ARID1B: variants seen among roughly 807,000 people sequenced by gnomAD.
ARID1B encodes the protein AT-rich interactive domain-containing protein 1B.
A neutral mutation model predicts 212.3 loss-of-function variants in ARID1B; 30 were observed. The ratio of observed to expected loss-of-function variants is 0.14; its 90% CI spans 0.11 to 0.19. The LOEUF is 0.19. Among genes scored for constraint, ARID1B ranks in the 10% least tolerant of loss-of-function variants. The pLI, the probability that ARID1B is intolerant of heterozygous loss-of-function variation, is 1.00. For missense variants in ARID1B, 2,891 were observed against 3,204.0 expected, an observed-to-expected ratio of 0.90 and a Z score of 2.36; for synonymous variants, 1,402 against 1,301.7, an observed-to-expected ratio of 1.08 and a Z score of -1.66.
At chr6:156,902,757 A>G (rs796380950) in intron 3 of ARID1B, among the ~76,000 whole-genome samples, 1 of 149,384 alleles carries the variant, frequency 6.7e-6, no homozygotes, top group African/African-American at 2.5e-5. Context: ...AAAAAAAAAA[A>G]AAAAAGTAAC....
intron 4 of ARID1B, among the ~76,000 whole-genome samples, chr6:156,966,954 C>T (rs891610578): frequency 1.3e-5 from 2 of 151,992 alleles, no homozygotes; most frequent in African/African-American, 4.8e-5. Context: ...CCTGCCTCAG[C>T]CTCCCAAAGT....
rs2114987296 is a variant in ARID1B at position 156,778,835 on chromosome 6, C to T, written c.1155C>T (p.Ser385=). Residue 385 remains serine, a synonymous_variant, in exon 1 of 20, where the codon AGC becomes AGT. Transcript: ENST00000636930. The stretch of plus-strand genomic sequence containing the variant: ...AGTGCAACCATTATCCGGGCTACAG[C>T]CGGCCCGGCGCGGGCGGCGGCGGCG... ...NSQCNHYPGY[S]RPGAGGGGGG... 3 of 1,431,858 alleles carry T rather than the reference C, an allele frequency of 2.1e-6. No homozygotes were observed. Among genetic ancestry groups the T allele is most frequent in the Non-Finnish European group, 2.8e-6 (3 of 1,089,266 alleles). 88.7% of individuals were successfully genotyped at this position (1,431,858 alleles called of 1,614,324 possible). A position where few individuals can be genotyped will look rare whatever the true frequency, so the allele number is the denominator to read the frequency against.
chr6:156,790,734 T>C (rs745332932), intron 1 of ARID1B, among the ~76,000 whole-genome samples: 5 of 152,302 alleles, frequency 3.3e-5, no homozygotes, highest in Non-Finnish European at 4.4e-5. Context: ...GAAGGCGCCA[T>C]GCATACAGGA....
chr6:157,200,742 C>G lies in ARID1B; in HGVS notation c.4517C>G (p.Pro1506Arg). The G allele has an allele frequency of 6.2e-7, 1 of 1,613,238 alleles. No individual in the cohort carries two copies. Among genetic ancestry groups the G allele is most frequent in the South Asian group, 1.1e-5 (1 of 90,982 alleles). Residue 1506 changes from proline (P) to arginine (R), a missense_variant, in exon 18 of 20, where the codon CCA becomes CGA. Around this residue, in one of 7 missense-constraint regions of ARID1B, gnomAD observed 666 missense variants for 873.5 expected, o/e 0.76. Coordinates refer to ENST00000636930, the MANE Select transcript of ARID1B (RefSeq NM_001374828.1). This position sits in a 1 kb window ranked among gnomAD's most constrained non-coding sequence, Gnocchi z 4.3. ...KRHMDGMYGP[P>R]AKRHEGDMYN... Reference sequence around the variant, plus strand: ...CATATGGACGGCATGTACGGGCCCCCAGCCAAGCGCCACGAGGGCGACATG... The same window carrying G: ...CATATGGACGGCATGTACGGGCCCCGAGCCAAGCGCCACGAGGGCGACATG...
intron 4 of ARID1B, among the ~76,000 whole-genome samples, chr6:156,995,992 G>C (rs1268136563): frequency 6.6e-6 from 1 of 152,114 alleles, no homozygotes; most frequent in Non-Finnish European, 1.5e-5. Context: ...AAAAACCTCA[G>C]GACCCCACAC....
intron 1 of ARID1B, among the ~76,000 whole-genome samples, chr6:156,802,903 A>G (rs549111454): frequency 2.0e-5 from 3 of 152,352 alleles, no homozygotes; most frequent in African/African-American, 4.8e-5. Context: ...TATGTACACA[A>G]TATGTTTCAC....
intron 4 of ARID1B, among the ~76,000 whole-genome samples, chr6:157,003,562 C>T (rs902220203): frequency 3.9e-5 from 6 of 152,198 alleles, no homozygotes; most frequent in Admixed American, 1.3e-4. Context: ...TCTGACTGGG[C>T]TTATCTGCCT....
intron 2 of ARID1B, among the ~76,000 whole-genome samples, chr6:156,900,373 T>C (rs1353263054): frequency 6.6e-6 from 1 of 152,238 alleles, no homozygotes; most frequent in Non-Finnish European, 1.5e-5. Context: ...TCTTTTACCA[T>C]TTCATCTTTT....
At chr6:156,901,827 A>G in intron 3 of ARID1B, 3 of 392,988 alleles carry the variant, frequency 7.6e-6, no homozygotes, top group Non-Finnish European at 1.4e-5. Flanking sequence ...TCAAGAAAGC[A>G]CTCTGCCACT....
chr6:156,853,157 G>A (rs1583163086), intron 2 of ARID1B, among the ~76,000 whole-genome samples: 1 of 152,108 alleles, frequency 6.6e-6, no homozygotes, highest in East Asian at 1.9e-4. Context: ...AAGAATTCTA[G>A]GTTTAACTCT....
intron 2 of ARID1B, among the ~76,000 whole-genome samples, chr6:156,836,458 T>G (rs1216838062): frequency 6.6e-6 from 1 of 152,122 alleles, no homozygotes; most frequent in East Asian, 1.9e-4. Flanking sequence ...AACTCACCAC[T>G]GACCCAAAGG....
chr6:157,068,291 C>T (rs1016538946), intron 4 of ARID1B, among the ~76,000 whole-genome samples: 1 of 152,176 alleles, frequency 6.6e-6, no homozygotes, highest in Non-Finnish European at 1.5e-5. Context: ...AGAGGTGGGC[C>T]TCCTGCACAG....
chr6:156,936,698 A>G (rs998093755), intron 4 of ARID1B: 2 of 151,982 alleles, frequency 1.3e-5, no homozygotes, highest in African/African-American at 4.8e-5. Flanking sequence ...CTATACCAAT[A>G]AATATTTTTA....
intron 6 of ARID1B, among the ~76,000 whole-genome samples, chr6:157,112,510 TG>T (rs1404710512): frequency 6.6e-6 from 1 of 152,244 alleles, no homozygotes; most frequent in Non-Finnish European, 1.5e-5. Flanking sequence ...TCACTCTCAC[TG>T]GTACAGTTCT....
At chr6:157,141,412 C>T (rs569504013) in intron 7 of ARID1B, 9 of 152,188 alleles carry the variant, frequency 5.9e-5, no homozygotes, top group Non-Finnish European at 8.8e-5. Context: ...GCATATTGAC[C>T]TAAGAGAAAT....
chr6:156,828,229 GTTTTTAAT>G (rs1378988060), intron 1 of ARID1B, among the ~76,000 whole-genome samples: 1 of 152,004 alleles, frequency 6.6e-6, no homozygotes, highest in Admixed American at 6.6e-5. Flanking sequence ...GCCTGGCTAA[GTTTTTAAT>G]TTGTTGTAGA....
chr6:157,053,759 T>C (rs888393796), intron 4 of ARID1B, among the ~76,000 whole-genome samples: 5 of 152,182 alleles, frequency 3.3e-5, no homozygotes, highest in Non-Finnish European at 5.9e-5. Context: ...TTTATTATGA[T>C]AGCATGAAAT....
At chr6:156,833,485 ATTC>A (rs1783283705) in intron 2 of ARID1B, among the ~76,000 whole-genome samples, 1 of 152,162 alleles carries the variant, frequency 6.6e-6, no homozygotes, top group African/African-American at 2.4e-5. Flanking sequence ...TATTTTAACT[ATTC>A]TTGCAGGTGT....
At chr6:157,076,345 C>T (rs1784308098) in intron 4 of ARID1B, among the ~76,000 whole-genome samples, 1 of 151,340 alleles carries the variant, frequency 6.6e-6, no homozygotes, top group South Asian at 2.1e-4. Flanking sequence ...GATGAGGTCT[C>T]ACTGTGTTGC....
Sources: allele counts gnomAD v4.1 joint callset (sites outside exome capture counted in the v4.1 genomes callset), GRCh38; gene constraint gnomAD v4.1.1; regional missense constraint gnomAD v4.1.1; non-coding constraint Gnocchi (gnomAD v3.1); transcripts MANE v1.5; gene names NCBI Gene and HGNC (gene_info 2026-07-23, HGNC 2026-07-21).